The following ARHGAP15 variants were observed in gnomAD, a reference collection of about 807,000 sequenced individuals.
ARHGAP15 encodes rho GTPase-activating protein 15.
ARHGAP15 carries 51 observed loss-of-function variants against 63.7 expected under a neutral mutation model. The ratio of observed to expected loss-of-function variants is 0.80; its 90% CI spans 0.64 to 1.01. The LOEUF is 1.01. Among genes scored for constraint, ARHGAP15 ranks in the 50% least tolerant of loss-of-function variants. ARHGAP15 has a pLI of 0.00. For synonymous variants in ARHGAP15, 191 were observed against 193.8 expected (o/e 0.99, Z 0.12); for missense variants, 560 against 564.6 (o/e 0.99, Z 0.08).
intron 2 of ARHGAP15, among the ~76,000 whole-genome samples, chr2:143,161,882 C>T (rs75829455): frequency 0.019 from 2,923 of 151,866 alleles, 87 homozygotes; most frequent in African/African-American, 0.065. Flanking sequence ...GCAGAAGATG[C>T]GGCCGTCTGT....
At chr2:143,696,102 T>C (rs2105405225) in intron 12 of ARHGAP15, among the ~76,000 whole-genome samples, 1 of 152,278 alleles carries the variant, frequency 6.6e-6, no homozygotes, top group East Asian at 1.9e-4. Flanking sequence ...CAATTACACA[T>C]CTGAATTATT....
rs574273872 is a variant in ARHGAP15 at position 143,402,774 on chromosome 2, A to G, written c.475-32827A>G. Among the ~76,000 whole-genome samples, 26 of 151,964 alleles carry G rather than the reference A, an allele frequency of 1.7e-4. No individual in the cohort carries two copies. In the South Asian group the frequency reaches 5.4e-3, roughly 32 times the overall value. ...TGATTGAAGGAAAAACCCCAGAAACACTGCACAGAGATTCCTGGCATCTAA... is the reference window on the plus strand; with the variant it reads ...TGATTGAAGGAAAAACCCCAGAAACGCTGCACAGAGATTCCTGGCATCTAA... On this transcript the variant is annotated intron_variant, in intron 6 of 13. Transcript: ENST00000295095.
At chr2:143,670,711 C>T (rs541675491) in intron 12 of ARHGAP15, among the ~76,000 whole-genome samples, 5 of 152,254 alleles carry the variant, frequency 3.3e-5, no homozygotes, top group Admixed American at 3.3e-4. Context: ...TCTCTTATTC[C>T]ATCATCAGGT....
chr2:143,562,875 T>C (rs373761086), intron 11 of ARHGAP15, among the ~76,000 whole-genome samples: 2 of 152,214 alleles, frequency 1.3e-5, no homozygotes, highest in African/African-American at 4.8e-5. Flanking sequence ...ATTTTTACAT[T>C]ATAGTCCAAA....
chr2:143,165,954 GAA>G (rs1690488375), intron 2 of ARHGAP15, among the ~76,000 whole-genome samples: 1 of 108,988 alleles, frequency 9.2e-6, no homozygotes, highest in Non-Finnish European at 1.9e-5. Context: ...AAGAAAGAAA[GAA>G]AGAGAGAAAG....
In ARHGAP15 at chr2:143,765,080, TTATC is replaced by T. The variant is rs556526504; in HGVS notation, c.1245-2903_1245-2900del. ...ATAAGTACTCAATTGATTATTTATC[TTATC>T]TATCTCCATATTTGCCTCTAAAATA... is the stretch of plus-strand genomic sequence containing the variant. On this transcript the variant is annotated intron_variant, in intron 13 of 13. Coordinates refer to ENST00000295095, the MANE Select transcript of ARHGAP15 (RefSeq NM_018460.4). Among the ~76,000 whole-genome samples the T allele has an allele frequency of 1.5e-4, 23 of 151,010 alleles. No individual in the cohort carries two copies. In the East Asian group the frequency reaches 2.7e-3, roughly 18 times the overall value.
intron 6 of ARHGAP15, among the ~76,000 whole-genome samples, chr2:143,261,192 T>C (rs1680696902): frequency 6.6e-6 from 1 of 152,158 alleles, no homozygotes; most frequent in Admixed American, 6.6e-5. Flanking sequence ...ATTCATATAC[T>C]GTAATGAATG....
Position 143,366,344 on chromosome 2 carries a change from T to TA in ARHGAP15, c.475-69255dup, listed in dbSNP as rs1686291441. Among the ~76,000 whole-genome samples the TA allele has an allele frequency of 3.3e-5, 5 of 152,234 alleles. No individual in the cohort carries two copies. The South Asian group carries it at 1.0e-3, about 32-fold the overall frequency. Reference sequence around the variant, plus strand: ...AAATTATATCTAGTAATTTACCTAATAAGGTCTATACTTTGCTATGGACAG... The same window carrying TA: ...AAATTATATCTAGTAATTTACCTAATAAAGGTCTATACTTTGCTATGGACAG... On this transcript the variant is annotated intron_variant, in intron 6 of 13. Coordinates refer to ENST00000295095, the MANE Select transcript of ARHGAP15 (RefSeq NM_018460.4).
intron 11 of ARHGAP15, among the ~76,000 whole-genome samples, chr2:143,558,473 C>T (rs1214656633): frequency 6.6e-6 from 1 of 152,050 alleles, no homozygotes; most frequent in Non-Finnish European, 1.5e-5. Context: ...ATTATAAGAC[C>T]CATAGATTTA....
chr2:143,623,879 A>G (rs1698738177), intron 11 of ARHGAP15, among the ~76,000 whole-genome samples: 1 of 152,232 alleles, frequency 6.6e-6, no homozygotes, highest in South Asian at 2.1e-4. Context: ...CGTATCTGAC[A>G]TACTGTGTCA....
chr2:143,137,804 C>T (rs1011154213), intron 1 of ARHGAP15, among the ~76,000 whole-genome samples: 6 of 152,016 alleles, frequency 3.9e-5, no homozygotes, highest in Non-Finnish European at 5.9e-5. Context: ...GGGAAACTTC[C>T]GTTTCTGTTC....
chr2:143,538,880 C>T (rs1044586044), intron 10 of ARHGAP15, among the ~76,000 whole-genome samples: 6 of 152,182 alleles, frequency 3.9e-5, no homozygotes, highest in South Asian at 4.1e-4. Context: ...GGTATCAGGA[C>T]GATGCTGGTC....
intron 11 of ARHGAP15, among the ~76,000 whole-genome samples, chr2:143,619,050 T>G (rs1406705682): frequency 6.6e-6 from 1 of 151,962 alleles, no homozygotes; most frequent in African/African-American, 2.4e-5. Flanking sequence ...TGGCCTCAGG[T>G]GATCTGCCCA....
At chr2:143,460,434 C>T (rs1033147803) in intron 8 of ARHGAP15, among the ~76,000 whole-genome samples, 2 of 152,110 alleles carry the variant, frequency 1.3e-5, no homozygotes, top group African/African-American at 2.4e-5. Flanking sequence ...GAATGACAGA[C>T]ATCTGGAAAA....
chr2:143,299,633 C>T (rs765560879), intron 6 of ARHGAP15, among the ~76,000 whole-genome samples: 1 of 151,936 alleles, frequency 6.6e-6, no homozygotes, highest in Non-Finnish European at 1.5e-5. Flanking sequence ...CCATGGTACT[C>T]TCTCTCCTTT....
intron 6 of ARHGAP15, among the ~76,000 whole-genome samples, chr2:143,277,027 A>G (rs569750709): frequency 1.3e-5 from 2 of 152,188 alleles, no homozygotes; most frequent in South Asian, 2.1e-4. Context: ...CTGAGGCCTC[A>G]TATTTCACAG....
At chr2:143,493,685 C>G in intron 9 of ARHGAP15, among the ~76,000 whole-genome samples, 1 of 152,160 alleles carries the variant, frequency 6.6e-6, no homozygotes, top group East Asian at 1.9e-4. Context: ...CTTTCAGCCT[C>G]TTTCTCCAAT....
intron 6 of ARHGAP15, among the ~76,000 whole-genome samples, chr2:143,283,767 A>T (rs1039502529): frequency 6.6e-6 from 1 of 152,084 alleles, no homozygotes; most frequent in Non-Finnish European, 1.5e-5. Context: ...TTTCTCTTCA[A>T]ACTTTGTCTT....
At chr2:143,553,184 T>C (rs187568792) in intron 10 of ARHGAP15, among the ~76,000 whole-genome samples, 34 of 152,352 alleles carry the variant, frequency 2.2e-4, no homozygotes, top group South Asian at 2.1e-4. Flanking sequence ...TGTACCTATA[T>C]AATTTATAAC....
Sources: allele counts gnomAD v4.1 joint callset (sites outside exome capture counted in the v4.1 genomes callset), GRCh38; gene constraint gnomAD v4.1.1; transcripts MANE v1.5; gene names NCBI Gene and HGNC (gene_info 2026-07-23, HGNC 2026-07-21).